Variants in CYBB observed in about 807,000 individuals in gnomAD.
CYBB encodes the protein cytochrome b-245 beta chain.
In CYBB, 5 loss-of-function variants were observed where a neutral mutation model predicts 46.5. That is an observed-to-expected ratio of 0.11 (90% CI 0.06 to 0.23). The LOEUF (loss-of-function observed/expected upper bound fraction) is 0.23, where lower values mean the gene tolerates loss of function less well. Ranked by LOEUF, CYBB falls within the 10% of genes least tolerant of loss-of-function variation. The pLI, the probability that CYBB is intolerant of heterozygous loss-of-function variation, is 1.00. For missense variants in CYBB, 307 were observed against 428.3 expected, an observed-to-expected ratio of 0.72 and a Z score of 2.50; for synonymous variants, 183 against 156.7, an observed-to-expected ratio of 1.17 and a Z score of -1.26.
At chrX:37,790,795 G>T (rs782604893) in intron 3 of CYBB, among the ~76,000 whole-genome samples, 2 of 111,041 alleles carry the variant, frequency 1.8e-5, no homozygotes, top group African/African-American at 6.5e-5. Context: ...AAAACATTTA[G>T]AACCAAATAT....
At chrX:37,785,791 C>T (rs1245897962) in intron 3 of CYBB, among the ~76,000 whole-genome samples, 8 of 111,717 alleles carry the variant, frequency 7.2e-5, no homozygotes, top group Non-Finnish European at 1.9e-5. Context: ...GGAAGTAAAG[C>T]CTGAGAAACA....
At chrX:37,806,935 C>T (rs941275589) in intron 11 of CYBB, among the ~76,000 whole-genome samples, 5 of 109,676 alleles carry the variant, frequency 4.6e-5, no homozygotes, top group Non-Finnish European at 7.6e-5. Context: ...AGACACTCCC[C>T]AACTTAATAA....
At chrX:37,806,896 C>G (rs782198325) in intron 11 of CYBB, among the ~76,000 whole-genome samples, 28 of 106,388 alleles carry the variant, frequency 2.6e-4, no homozygotes, top group Admixed American at 6.0e-4. Flanking sequence ...CTCTCTGTCT[C>G]TGTGTGTGTG....
rs1929713377 is a variant in CYBB, at chrX:37,813,298, A to G, written c.*2381A>G. 2 of 106,728 alleles carry G rather than the reference A, an allele frequency of 1.9e-5. No homozygotes were observed. Among genetic ancestry groups the G allele is most frequent in the Non-Finnish European group, 3.8e-5 (2 of 52,034 alleles). 8.8% of individuals were successfully genotyped at this position (106,728 alleles called of 1,213,427 possible). A position where few individuals can be genotyped will look rare whatever the true frequency, so the allele number is the denominator to read the frequency against. ...TGATGAAGCATTGTTTTTAATCTTA[A>G]GACTATGAAGGTTTTTCTTAGTTCT... On this transcript the variant is annotated 3_prime_UTR_variant, in exon 13 of 13. Coordinates refer to ENST00000378588, the MANE Select transcript of CYBB (RefSeq NM_000397.4).
intron 9 of CYBB, among the ~76,000 whole-genome samples, chrX:37,804,733 G>T (rs1463400127): frequency 9.3e-6 from 1 of 107,817 alleles, no homozygotes; most frequent in African/African-American, 3.4e-5. Context: ...GCGTTGTTGT[G>T]TGTGAAGAGG....
intron 5 of CYBB, among the ~76,000 whole-genome samples, chrX:37,794,624 T>C (rs1556467917): frequency 1.8e-5 from 2 of 111,487 alleles, no homozygotes; most frequent in African/African-American, 6.5e-5. Flanking sequence ...TGTCTACAGA[T>C]TGTCATTCCT....
chrX:37,810,259 C>T (rs782605612), intron 12 of CYBB, among the ~76,000 whole-genome samples: 10 of 112,067 alleles, frequency 8.9e-5, no homozygotes, highest in Non-Finnish European at 1.9e-4. Context: ...AAGGAGCATA[C>T]AAAGTGCCTG....
intron 8 of CYBB, among the ~76,000 whole-genome samples, chrX:37,801,831 T>C (rs1929452025): frequency 9.0e-6 from 1 of 110,851 alleles, no homozygotes; most frequent in Non-Finnish European, 1.9e-5. Flanking sequence ...TACCACCTTT[T>C]CTGTGCTGTG....
intron 3 of CYBB, 115 bp from the exon 4 acceptor site, chrX:37,791,860 A>C: frequency 1.8e-6 from 1 of 549,869 alleles, no homozygotes; most frequent in South Asian, 2.4e-5. Context: ...ATATAATGAT[A>C]CAGTTTGCAG....
chrX:37,798,488 A>G (rs782404026), intron 6 of CYBB, among the ~76,000 whole-genome samples: 2 of 112,295 alleles, frequency 1.8e-5, no homozygotes, highest in African/African-American at 3.2e-5. Context: ...GTTGTCTACT[A>G]TAGTGGGTGC....
chrX:37,804,103 A>G lies in CYBB; in HGVS notation c.1124A>G (p.Glu375Gly). ...LFNACGCDKQ[E>G]FQDAWKLPKI... ...AATGCTTGTGGCTGTGATAAGCAGGAGTTTCAAGATGCGTGGAAACTACCT... is the reference window on the plus strand; with the variant it reads ...AATGCTTGTGGCTGTGATAAGCAGGGGTTTCAAGATGCGTGGAAACTACCT... The change falls in exon 9 of 13, where the codon GAG becomes GGG. Residue 375 changes from glutamate to glycine, a missense_variant. Coordinates refer to ENST00000378588, the MANE Select transcript of CYBB (RefSeq NM_000397.4). The G allele has an allele frequency of 8.3e-7, 1 of 1,210,908 alleles. No homozygotes were observed. The highest frequency in any genetic ancestry group is 2.3e-4 in the Middle Eastern group (1 of 4,348).
Position 37,812,469 on chromosome X carries a change from G to A in CYBB, c.*1552G>A, listed in dbSNP as rs1471803272. On this transcript the variant is annotated 3_prime_UTR_variant, in exon 13 of 13. Coordinates refer to ENST00000378588, the MANE Select transcript of CYBB (RefSeq NM_000397.4). ...GAAAATAAAAAAGGCAAAAGGGAGA[G>A]AGAGGGGAAGGGGGTCTCATATTGG... 2 of 111,468 alleles carry A rather than the reference G, an allele frequency of 1.8e-5. No individual in the cohort carries two copies. Among genetic ancestry groups the A allele is most frequent in the African/African-American group, 6.5e-5 (2 of 30,653 alleles). 9.2% of individuals were successfully genotyped at this position (111,468 alleles called of 1,213,427 possible). A position where few individuals can be genotyped will look rare whatever the true frequency, so the allele number is the denominator to read the frequency against.
At chrX:37,796,590 T>G (rs1035385078) in intron 6 of CYBB, among the ~76,000 whole-genome samples, 11 of 111,863 alleles carry the variant, frequency 9.8e-5, no homozygotes, top group African/African-American at 3.6e-4. Context: ...TTGTCTACCA[T>G]GTATGAGGAC....
At chrX:37,801,555 G>A (rs1428127538) in intron 8 of CYBB, among the ~76,000 whole-genome samples, 1 of 107,316 alleles carries the variant, frequency 9.3e-6, no homozygotes, top group Non-Finnish European at 1.9e-5. Context: ...ATGAAGCCAA[G>A]TTCTTTCTGG....
At chrX:37,794,043 A>C (rs1181805358) in intron 5 of CYBB, among the ~76,000 whole-genome samples, 1 of 111,667 alleles carries the variant, frequency 9.0e-6, no homozygotes, top group African/African-American at 3.3e-5. Context: ...CATCCATGAG[A>C]ATGTGTGCAT....
At chrX:37,806,668 C>T (rs1256975825) in intron 11 of CYBB, 135 bp downstream of exon 11, 6 of 600,487 alleles carry the variant, frequency 1.0e-5, no homozygotes, top group Non-Finnish European at 1.6e-5. Context: ...GGTCCATTCA[C>T]TCTCATTTAG....
chrX:37,781,146 G>A (rs1236174743), intron 1 of CYBB, among the ~76,000 whole-genome samples: 2 of 112,579 alleles, frequency 1.8e-5, no homozygotes, highest in African/African-American at 3.2e-5. Context: ...ATTCGAAGCT[G>A]TAAACTTAAC....
Position 37,804,869 on chromosome X carries a change from C to T in CYBB, c.1152-137C>T, listed in dbSNP as rs1396309097. On this transcript the variant is annotated intron_variant, in intron 9 of 12. Transcript: ENST00000378588. ...AAGTTTGGTTACTTGAAAGCTATTT[C>T]ATAGAAGGAAGCACCCAATAGATAC... is the stretch of plus-strand genomic sequence containing the variant. The T allele has an allele frequency of 3.5e-5, 23 of 653,931 alleles. No individual in the cohort carries two copies. The African/African-American group carries it at 5.0e-4, about 14-fold the overall frequency. The allele number at this position is 653,931 out of a possible 1,213,427, so 53.9% of individuals were successfully genotyped here.
intron 3 of CYBB, 90 bp downstream of exon 3, chrX:37,783,690 G>T: frequency 3.4e-6 from 2 of 589,906 alleles, no homozygotes; most frequent in South Asian, 4.7e-5. Flanking sequence ...TGAATGATTT[G>T]GGAGGATTCC....
Sources: allele counts gnomAD v4.1 joint callset (sites outside exome capture counted in the v4.1 genomes callset), GRCh38; gene constraint gnomAD v4.1.1; transcripts MANE v1.5; gene names NCBI Gene and HGNC (gene_info 2026-07-23, HGNC 2026-07-21).